SLCO1A2: variants seen among roughly 807,000 people sequenced by gnomAD.
SLCO1A2 encodes the protein OATP-1.
Under a neutral mutation model 69.0 loss-of-function variants are expected in SLCO1A2, and 67 were observed. The ratio of observed to expected loss-of-function variants is 0.97; its 90% CI spans 0.80 to 1.19. The LOEUF is 1.19. Ranked by LOEUF, SLCO1A2 falls within the 50% of genes most tolerant of loss-of-function variation. The pLI is 0.00. For missense variants in SLCO1A2, 787 were observed against 793.7 expected, an observed-to-expected ratio of 0.99 and a Z score of 0.10; for synonymous variants, 260 against 265.9, an observed-to-expected ratio of 0.98 and a Z score of 0.22.
intron 11 of SLCO1A2, among the ~76,000 whole-genome samples, chr12:21,292,579 C>A (rs1947044497): frequency 6.6e-6 from 1 of 151,882 alleles, no homozygotes; most frequent in Non-Finnish European, 1.5e-5. Context: ...TAAAGACACA[C>A]TTTTTTATTA....
intron 2 of SLCO1A2, among the ~76,000 whole-genome samples, chr12:21,359,733 C>A (rs990454208): frequency 6.9e-6 from 1 of 145,360 alleles, no homozygotes; most frequent in South Asian, 2.2e-4. Context: ...GGCGACAGAG[C>A]GAGACTCCGT....
intron 2 of SLCO1A2, among the ~76,000 whole-genome samples, chr12:21,342,916 G>C (rs1158952283): frequency 6.6e-6 from 1 of 152,056 alleles, no homozygotes; most frequent in Non-Finnish European, 1.5e-5. Context: ...AATTAGGACA[G>C]AGAGCAGCTC....
chr12:21,301,065 T>C, intron 7 of SLCO1A2, 106 bp downstream of exon 7: 1 of 575,252 alleles, frequency 1.7e-6, no homozygotes, highest in African/African-American at 1.9e-5. Context: ...AAAGTAGAGA[T>C]CATTTATCAA....
intron 2 of SLCO1A2, chr12:21,372,910 A>C (rs1326728663): frequency 1.0e-5 from 2 of 199,900 alleles, no homozygotes; most frequent in African/African-American, 2.4e-5. Flanking sequence ...ATGAGGGGGT[A>C]AATATTCCAG....
intron 2 of SLCO1A2, among the ~76,000 whole-genome samples, chr12:21,326,901 T>G (rs1952282171): frequency 6.6e-6 from 1 of 152,186 alleles, no homozygotes; most frequent in Non-Finnish European, 1.5e-5. Context: ...AAAACCCATT[T>G]TCTGAGGAGA....
At chr12:21,278,633 A>G (rs1944294953) in intron 12 of SLCO1A2, among the ~76,000 whole-genome samples, 1 of 152,198 alleles carries the variant, frequency 6.6e-6, no homozygotes, top group Non-Finnish European at 1.5e-5. Context: ...CAAGACCTCC[A>G]AAGTGGTAAC....
At chr12:21,387,818 C>T (rs990889196) in intron 1 of SLCO1A2, among the ~76,000 whole-genome samples, 14 of 152,154 alleles carry the variant, frequency 9.2e-5, no homozygotes, top group African/African-American at 3.4e-4. Context: ...TTGCACCGTG[C>T]ACCTGGAAAA....
At chr12:21,417,495 A>G (rs2137213903) in intron 1 of SLCO1A2, among the ~76,000 whole-genome samples, 1 of 150,390 alleles carries the variant, frequency 6.6e-6, no homozygotes. Context: ...AAGAGGCAAT[A>G]CCAGAAGAAA....
intron 8 of SLCO1A2, among the ~76,000 whole-genome samples, chr12:21,300,084 A>G (rs941943319): frequency 6.8e-6 from 1 of 147,008 alleles, no homozygotes. Context: ...ATATATATGA[A>G]AGAGAGAGAG....
chr12:21,368,357 T>C (rs537576685), intron 2 of SLCO1A2, among the ~76,000 whole-genome samples: 6 of 152,260 alleles, frequency 3.9e-5, no homozygotes, highest in South Asian at 4.1e-4. Flanking sequence ...ATGCCCCCAT[T>C]TTTTAAATAT....
rs972853024 is a variant in SLCO1A2, at chr12:21,264,660, C to T, written c.*4888G>A. ...TGTTCATTTGTTAAGTAACATCATT[C>T]CTTAAATATAAAAGCAATCTTACAG... is the stretch of plus-strand genomic sequence containing the variant. On this transcript the variant is annotated 3_prime_UTR_variant, in exon 15 of 15. Coordinates refer to ENST00000683939, the MANE Select transcript of SLCO1A2 (RefSeq NM_001386879.1). 1 of 152,016 alleles carries T rather than the reference C, an allele frequency of 6.6e-6. No homozygotes were observed. The highest frequency in any genetic ancestry group is 2.4e-5 in the African/African-American group (1 of 41,380). The allele number at this position is 152,016 out of a possible 1,614,324, so 9.4% of individuals were successfully genotyped here. A position where few individuals can be genotyped will look rare whatever the true frequency, so the allele number is the denominator to read the frequency against.
chr12:21,351,214 C>A (rs1937924492), intron 2 of SLCO1A2, among the ~76,000 whole-genome samples: 1 of 152,086 alleles, frequency 6.6e-6, no homozygotes, highest in South Asian at 2.1e-4. Flanking sequence ...CGTGACATGG[C>A]AAAATGTGTT....
At chr12:21,287,571 T>C (rs1385407554) in intron 12 of SLCO1A2, among the ~76,000 whole-genome samples, 5 of 145,110 alleles carry the variant, frequency 3.4e-5, no homozygotes, top group South Asian at 2.2e-4. Flanking sequence ...CGTATGTTTA[T>C]TGCGGCTCTA....
At chr12:21,341,350 T>C (rs1177575514) in intron 2 of SLCO1A2, among the ~76,000 whole-genome samples, 1 of 152,050 alleles carries the variant, frequency 6.6e-6, no homozygotes, top group Non-Finnish European at 1.5e-5. Flanking sequence ...ATTTTATTTT[T>C]CCTTTAGGAA....
At chr12:21,376,823 A>G (rs2137107713) in intron 1 of SLCO1A2, among the ~76,000 whole-genome samples, 1 of 152,232 alleles carries the variant, frequency 6.6e-6, no homozygotes, top group South Asian at 2.1e-4. Context: ...GCTCCTGGAC[A>G]TTGAGTTTTT....
intron 4 of SLCO1A2, among the ~76,000 whole-genome samples, chr12:21,309,713 G>GA (rs971506313): frequency 6.6e-6 from 1 of 152,084 alleles, no homozygotes; most frequent in Non-Finnish European, 1.5e-5. Context: ...AAGTGAAGAG[G>GA]AAAGAGGAAA....
At chr12:21,313,429 A>T (rs1487768153) in intron 4 of SLCO1A2, among the ~76,000 whole-genome samples, 1 of 152,212 alleles carries the variant, frequency 6.6e-6, no homozygotes, top group East Asian at 1.9e-4. Flanking sequence ...ATACAGAGGC[A>T]AGGCTTGGCC....
intron 1 of SLCO1A2, chr12:21,379,262 T>A (rs958482662): frequency 6.6e-6 from 1 of 152,234 alleles, no homozygotes; most frequent in African/African-American, 2.4e-5. Flanking sequence ...TTGTTTGTTG[T>A]GCTTGCTGGT....
intron 1 of SLCO1A2, among the ~76,000 whole-genome samples, chr12:21,401,471 TCATGCTTACTGGAC>T (rs1941702348): frequency 6.6e-6 from 1 of 151,900 alleles, no homozygotes; most frequent in African/African-American, 2.4e-5. Flanking sequence ...AGAAAAATTA[TCATGCTTACTGGAC>T]CAAAAAACCT....
Sources: gnomAD v4.1 joint callset for allele counts (sites outside exome capture counted in the v4.1 genomes callset) on GRCh38, gnomAD v4.1.1 for gene constraint, MANE v1.5 for transcripts, NCBI Gene and HGNC (gene_info 2026-07-23, HGNC 2026-07-21) for gene names.